POU1F1: variants seen among roughly 807,000 people sequenced by gnomAD.
POU1F1 encodes POU class 1 homeobox 1.
In POU1F1, 23 loss-of-function variants were observed where a neutral mutation model predicts 32.3. That is an observed-to-expected ratio of 0.71 (90% confidence interval 0.51 to 1.01). The LOEUF is 1.01. Among genes scored for constraint, POU1F1 ranks in the 50% least tolerant of loss-of-function variants. The pLI, the probability that POU1F1 is intolerant of heterozygous loss-of-function variation, is 0.00. For synonymous variants in POU1F1, 120 were observed against 115.6 expected (o/e 1.04, Z -0.25); for missense variants, 323 against 341.6 (o/e 0.95, Z 0.43).
chr3:87,275,765 G>T (rs922590660), intron 1 of POU1F1, among the ~76,000 whole-genome samples: 4 of 152,036 alleles, frequency 2.6e-5, no homozygotes, highest in Non-Finnish European at 5.9e-5. Context: ...GGCTTTAAAT[G>T]TCATGTTATT....
At chr3:87,275,517 G>T (rs1416303908) in intron 1 of POU1F1, among the ~76,000 whole-genome samples, 1 of 151,970 alleles carries the variant, frequency 6.6e-6, no homozygotes, top group African/African-American at 2.4e-5. Flanking sequence ...GCTATTCAAT[G>T]GAAGAAATTT....
chr3:87,272,842 A>G (rs994899815), intron 2 of POU1F1, among the ~76,000 whole-genome samples: 4 of 150,754 alleles, frequency 2.7e-5, no homozygotes, highest in Non-Finnish European at 3.0e-5. Flanking sequence ...TCCAGAAGAA[A>G]TATAATGATG....
Position 87,276,413 on chromosome 3 carries a change from G to C in POU1F1, c.50C>G (p.Ser17Cys). 6.2e-7 allele frequency: 1 copy of C among 1,613,952 alleles called. No homozygotes were observed. Among genetic ancestry groups the C allele is most frequent in the Non-Finnish European group, 8.5e-7 (1 of 1,179,918 alleles). The stretch of plus-strand genomic sequence containing the variant: ...CAGAGGCAGAGTTGCAGAGGCGTCA[G>C]AATTCAGAGGTATAAAGGTATCAGC... ...TSADTFIPLNSDASATLPLIM... is the reference protein window; with the variant it reads ...TSADTFIPLNCDASATLPLIM... The change falls in exon 1 of 6, where the codon TCT (serine) becomes TGT (cysteine). Residue 17 changes from serine to cysteine, a missense_variant. Transcript: ENST00000350375.
At chr3:87,262,007 A>T (rs1272508460) in intron 4 of POU1F1, 64 bp downstream of exon 4, 3 of 1,583,180 alleles carry the variant, frequency 1.9e-6, no homozygotes. Flanking sequence ...CATTAATCCT[A>T]CTTATTGAAG....
At chr3:87,260,493 C>T (rs1450206004) in intron 5 of POU1F1, among the ~76,000 whole-genome samples, 2 of 152,140 alleles carry the variant, frequency 1.3e-5, no homozygotes, top group Admixed American at 6.5e-5. Flanking sequence ...AAACAACTGA[C>T]CAACCAAAAC....
At chr3:87,267,724 C>T (rs886437440) in intron 2 of POU1F1, among the ~76,000 whole-genome samples, 2 of 152,134 alleles carry the variant, frequency 1.3e-5, no homozygotes, top group African/African-American at 4.8e-5. Flanking sequence ...CCTCCCACCT[C>T]AGCATCCTAA....
At position 87,264,525 on chromosome 3, in the gene POU1F1, A is replaced by G; in HGVS notation, c.215-13T>C. ...GGGGTTAAACTACCTGTGAGTAAAC[A>G]AAGAAATAAAATGAAAAAGACCATT... On this transcript the variant is annotated splice_polypyrimidine_tract_variant and intron_variant, in intron 2 of 5. Coordinates refer to ENST00000350375, the MANE Select transcript of POU1F1 (RefSeq NM_000306.4). 1 of 1,541,518 alleles carries G rather than the reference A, an allele frequency of 6.5e-7. No homozygotes were observed. The highest frequency in any genetic ancestry group is 9.0e-7 in the Non-Finnish European group (1 of 1,114,138).
At chr3:87,268,583 T>C (rs1214764821) in intron 2 of POU1F1, among the ~76,000 whole-genome samples, 1 of 152,136 alleles carries the variant, frequency 6.6e-6, no homozygotes, top group East Asian at 1.9e-4. Context: ...TGGGATGATA[T>C]GTATAGCAAT....
At position 87,276,406 on chromosome 3, in the gene POU1F1, G is replaced by A; in HGVS notation, c.57C>T (p.Ala19=). 1 of 1,613,982 alleles carries A rather than the reference G, an allele frequency of 6.2e-7. No individual in the cohort carries two copies. ...ADTFIPLNSD[A]SATLPLIMHH... is the part of the protein sequence containing the mutation. Reference sequence around the variant, plus strand: ...GCATTATCAGAGGCAGAGTTGCAGAGGCGTCAGAATTCAGAGGTATAAAGG... The same window carrying A: ...GCATTATCAGAGGCAGAGTTGCAGAAGCGTCAGAATTCAGAGGTATAAAGG... Residue 19 remains alanine, a synonymous_variant, in exon 1 of 6, where the codon GCC becomes GCT. Transcript: ENST00000350375.
At chr3:87,276,021 A>G (rs977398772) in intron 1 of POU1F1, among the ~76,000 whole-genome samples, 3 of 152,144 alleles carry the variant, frequency 2.0e-5, no homozygotes, top group African/African-American at 7.2e-5. Context: ...AAATATTTCC[A>G]TTAAAAAGGT....
chr3:87,265,600 T>G (rs1706604572), intron 2 of POU1F1, among the ~76,000 whole-genome samples: 1 of 152,000 alleles, frequency 6.6e-6, no homozygotes, highest in Non-Finnish European at 1.5e-5. Flanking sequence ...CCATGGGTTC[T>G]GCATTCATGG....
At chr3:87,267,824 T>G (rs1216928710) in intron 2 of POU1F1, among the ~76,000 whole-genome samples, 2 of 152,068 alleles carry the variant, frequency 1.3e-5, no homozygotes, top group East Asian at 3.9e-4. Flanking sequence ...CAGGCTGGTC[T>G]CAAAACTCCT....
chr3:87,264,572 A>G, intron 2 of POU1F1, 60 bp from the exon 3 acceptor site: 2 of 1,375,398 alleles, frequency 1.5e-6, no homozygotes, highest in Non-Finnish European at 1.0e-6. Context: ...TTATTTCTAT[A>G]TAAGAAAGGG....
intron 2 of POU1F1, among the ~76,000 whole-genome samples, chr3:87,267,207 T>C (rs1245875429): frequency 6.6e-6 from 1 of 152,196 alleles, no homozygotes; most frequent in Non-Finnish European, 1.5e-5. Flanking sequence ...ATGCAACACT[T>C]TGTGTCGTGT....
chr3:87,267,311 A>T (rs1458145157), intron 2 of POU1F1, among the ~76,000 whole-genome samples: 1 of 152,158 alleles, frequency 6.6e-6, no homozygotes, highest in East Asian at 1.9e-4. Flanking sequence ...GAGGAAATTT[A>T]AGTAGAAAGA....
At position 87,269,630 on chromosome 3, in the gene POU1F1, T is replaced by C. The variant is rs35422384; in HGVS notation, c.214+3717A>G. Among the ~76,000 whole-genome samples the C allele has an allele frequency of 5.0e-3, 761 of 152,298 alleles. 24 individuals are homozygous for C. The East Asian group carries it at 0.078, about 16-fold the overall frequency. On this transcript the variant is annotated intron_variant, in intron 2 of 5. Coordinates refer to ENST00000350375, the MANE Select transcript of POU1F1 (RefSeq NM_000306.4). ...TATTTCTCCCTGTCAGTTGCCAGGC[T>C]GATTTCCGTTTTCTTCTGTATTAGC...
chr3:87,262,346 A>G, intron 3 of POU1F1, 111 bp from the exon 4 acceptor site: 1 of 1,206,980 alleles, frequency 8.3e-7, no homozygotes, highest in Non-Finnish European at 1.2e-6. Context: ...ACTATTTTTT[A>G]ACTATATATT....
intron 2 of POU1F1, among the ~76,000 whole-genome samples, chr3:87,268,861 G>A (rs1270929500): frequency 6.6e-6 from 1 of 152,158 alleles, no homozygotes. Context: ...AGAGGAGAGA[G>A]AAGAACAGAG....
intron 2 of POU1F1, among the ~76,000 whole-genome samples, chr3:87,268,084 CTTTTT>C (rs11387958): frequency 2.6e-5 from 3 of 116,466 alleles, no homozygotes; most frequent in Non-Finnish European, 5.2e-5. Flanking sequence ...TTCCCTTTCC[CTTTTT>C]TTTTTTTTTT....
Sources: allele counts gnomAD v4.1 joint callset (sites outside exome capture counted in the v4.1 genomes callset), GRCh38; gene constraint gnomAD v4.1.1; transcripts MANE v1.5; gene names NCBI Gene and HGNC (gene_info 2026-07-23, HGNC 2026-07-21).